The following GPC5 variants were observed in gnomAD, a reference collection of about 807,000 sequenced individuals.
GPC5 encodes the protein glypican-5.
GPC5 carries 47 observed loss-of-function variants against 53.9 expected under a neutral mutation model. The ratio of observed to expected loss-of-function variants is 0.87; its 90% CI spans 0.69 to 1.11. GPC5 has a LOEUF of 1.11. GPC5 is among the 50% of genes most tolerant of loss of function. The pLI, the probability that GPC5 is intolerant of heterozygous loss-of-function variation, is 0.00. For synonymous variants in GPC5, 286 were observed against 263.3 expected (o/e 1.09, Z -0.84); for missense variants, 748 against 713.1 (o/e 1.05, Z -0.56).
intron 7 of GPC5, among the ~76,000 whole-genome samples, chr13:92,474,377 G>A (rs1594232567): frequency 6.6e-6 from 1 of 151,922 alleles, no homozygotes; most frequent in East Asian, 1.9e-4. Flanking sequence ...ACTTTAAAAT[G>A]AAAACCAAGT....
rs71427533 is a variant in GPC5 at position 92,107,808 on chromosome 13, C to T, written c.1402-37022C>T. ...GGTTTAATCAACTTCATTGCTCAAG[C>T]TCTACCTCATTACTAGAAATGCTGC... is the stretch of plus-strand genomic sequence containing the variant. On this transcript the variant is annotated intron_variant, in intron 6 of 7. Coordinates refer to ENST00000377067, the MANE Select transcript of GPC5 (RefSeq NM_004466.6). Among the ~76,000 whole-genome samples the T allele has an allele frequency of 6.0e-3, 915 of 152,258 alleles. 8 individuals carry two copies. The highest frequency in any genetic ancestry group is 0.014 in the Middle Eastern group (4 of 294).
intron 2 of GPC5, chr13:91,486,604 T>G (rs2139236534): frequency 6.6e-6 from 1 of 152,318 alleles, no homozygotes. Context: ...TGTCTCTTGA[T>G]CTTGGTATCT....
At position 91,772,673 on chromosome 13, in the gene GPC5, G is replaced by A. The variant is rs184378072; in HGVS notation, c.1280+16253G>A. Among the ~76,000 whole-genome samples the A allele has an allele frequency of 3.2e-3, 490 of 152,186 alleles. 2 individuals carry two copies. Among genetic ancestry groups the A allele is most frequent in the African/African-American group, 0.011 (462 of 41,504 alleles). ...ATAAGATTAAGGAGAAATGCAATGC[G>A]ACACTCCCGAAGGAGACAAGGAAAA... On this transcript the variant is annotated intron_variant, in intron 5 of 7. Transcript: ENST00000377067.
rs140042806 is a variant in GPC5, at chr13:91,580,428, A to G, written c.326-112759A>G. The stretch of plus-strand genomic sequence containing the variant: ...CTTTATAAAATATCATATGAGTAAT[A>G]ATAGTTGCTTTTTCTTGAATGAAAT... On this transcript the variant is annotated intron_variant, in intron 2 of 7. Coordinates refer to ENST00000377067, the MANE Select transcript of GPC5 (RefSeq NM_004466.6). Among the ~76,000 whole-genome samples the G allele has an allele frequency of 5.9e-5, 9 of 152,338 alleles. No individual in the cohort carries two copies. In the East Asian group the frequency reaches 1.7e-3, roughly 29 times the overall value.
chr13:92,140,659 CACAG>C (rs1369059152), intron 6 of GPC5, among the ~76,000 whole-genome samples: 15 of 152,234 alleles, frequency 9.9e-5, no homozygotes, highest in African/African-American at 3.4e-4. Flanking sequence ...AGTAAAGAAT[CACAG>C]AGAGCAGTAA....
chr13:92,589,667 T>A (rs1348054196), intron 7 of GPC5, among the ~76,000 whole-genome samples: 2 of 152,144 alleles, frequency 1.3e-5, no homozygotes, highest in African/African-American at 2.4e-5. Context: ...CCATAAACAG[T>A]TTCATTGTCA....
intron 7 of GPC5, among the ~76,000 whole-genome samples, chr13:92,333,103 A>T (rs1194433937): frequency 2.0e-5 from 3 of 152,162 alleles, no homozygotes; most frequent in Non-Finnish European, 4.4e-5. Flanking sequence ...TAAACCTGAA[A>T]TATAGTTGAT....
intron 7 of GPC5, among the ~76,000 whole-genome samples, chr13:92,286,923 A>G (rs2042959646): frequency 6.6e-6 from 1 of 152,204 alleles, no homozygotes; most frequent in Non-Finnish European, 1.5e-5. Context: ...ATATGGCATG[A>G]AAATACACGG....
chr13:91,888,045 C>A (rs1328787504), intron 5 of GPC5, among the ~76,000 whole-genome samples: 3 of 152,128 alleles, frequency 2.0e-5, no homozygotes, highest in Non-Finnish European at 4.4e-5. Flanking sequence ...TTTTGTACTG[C>A]TATGAAGAAA....
At chr13:91,642,087 T>G (rs2034444221) in intron 2 of GPC5, among the ~76,000 whole-genome samples, 1 of 152,170 alleles carries the variant, frequency 6.6e-6, no homozygotes, top group African/African-American at 2.4e-5. Flanking sequence ...TTTGAAATAA[T>G]TTAGAACCTA....
At chr13:91,946,795 T>C (rs1480085692) in intron 6 of GPC5, among the ~76,000 whole-genome samples, 2 of 152,148 alleles carry the variant, frequency 1.3e-5, no homozygotes, top group African/African-American at 2.4e-5. Context: ...TTAAACTCAA[T>C]ACCTTGAGTC....
intron 7 of GPC5, among the ~76,000 whole-genome samples, chr13:92,816,750 G>A (rs1287879352): frequency 6.6e-6 from 1 of 151,986 alleles, no homozygotes; most frequent in Admixed American, 6.6e-5. Context: ...CTGAGGGACA[G>A]AACCAAGAAT....
chr13:91,921,558 A>G (rs2039714850), intron 6 of GPC5, among the ~76,000 whole-genome samples: 1 of 152,172 alleles, frequency 6.6e-6, no homozygotes, highest in South Asian at 2.1e-4. Context: ...AAATTACAGG[A>G]TATCAAAAAG....
In GPC5 at chr13:92,410,259, T is replaced by G. The variant is rs113589360; in HGVS notation, c.1561+265270T>G. 3.0e-3 allele frequency among the ~76,000 whole-genome samples: 455 copies of G among 152,298 alleles called. 3 individuals carry two copies. Among genetic ancestry groups the G allele is most frequent in the Middle Eastern group, 6.8e-3 (2 of 294 alleles). On this transcript the variant is annotated intron_variant, in intron 7 of 7. Transcript: ENST00000377067. ...GCAGTAATCTAACAGCGGCTCCATG[T>G]AAGGGAATGCAGTATCCAGGGGCAC...
At chr13:92,365,788 G>T (rs750982833) in intron 7 of GPC5, among the ~76,000 whole-genome samples, 1 of 150,614 alleles carries the variant, frequency 6.6e-6, no homozygotes, top group Non-Finnish European at 1.5e-5. Context: ...CCTACTGTGG[G>T]GTCTTCAGGG....
At chr13:92,219,522 C>G (rs554022322) in intron 7 of GPC5, among the ~76,000 whole-genome samples, 1 of 152,226 alleles carries the variant, frequency 6.6e-6, no homozygotes, top group Admixed American at 6.5e-5. Context: ...CCAAGTAACA[C>G]AAGGATCAGA....
At chr13:91,793,617 C>T in intron 5 of GPC5, among the ~76,000 whole-genome samples, 1 of 152,112 alleles carries the variant, frequency 6.6e-6, no homozygotes, top group East Asian at 1.9e-4. Context: ...TCCATTTTCA[C>T]ACTGCTATAA....
At chr13:91,649,180 C>T (rs111399581) in intron 2 of GPC5, among the ~76,000 whole-genome samples, 19 of 152,256 alleles carry the variant, frequency 1.2e-4, no homozygotes, top group African/African-American at 2.6e-4. Flanking sequence ...ACCTCCCCAG[C>T]GCTGTGGAAC....
chr13:92,757,666 G>A (rs1291398312), intron 7 of GPC5, among the ~76,000 whole-genome samples: 3 of 152,130 alleles, frequency 2.0e-5, no homozygotes, highest in Admixed American at 2.0e-4. Flanking sequence ...CAAAAAGTGG[G>A]CAAAGGACAT....
Sources: gnomAD v4.1 joint callset for allele counts (sites outside exome capture counted in the v4.1 genomes callset) on GRCh38, gnomAD v4.1.1 for gene constraint, MANE v1.5 for transcripts, NCBI Gene and HGNC (gene_info 2026-07-23, HGNC 2026-07-21) for gene names.